Variants in TMCC1 observed in about 807,000 individuals in gnomAD.
The protein encoded by TMCC1 is transmembrane and coiled-coil domains protein 1.
In TMCC1, 15 loss-of-function variants were observed where a neutral mutation model predicts 52.4. The ratio of observed to expected loss-of-function variants is 0.29; its 90% CI spans 0.19 to 0.44. TMCC1 has a LOEUF of 0.44. Among genes scored for constraint, TMCC1 ranks in the 20% least tolerant of loss-of-function variants. The pLI is 1.00. For missense variants in TMCC1, 503 were observed against 806.0 expected, an observed-to-expected ratio of 0.62 and a Z score of 4.55; for synonymous variants, 279 against 301.9, an observed-to-expected ratio of 0.92 and a Z score of 0.79.
chr3:129,759,457 G>A (rs1460230300), intron 4 of TMCC1, among the ~76,000 whole-genome samples: 2 of 151,586 alleles, frequency 1.3e-5, no homozygotes, highest in African/African-American at 2.4e-5. Context: ...TAGTAGAGAT[G>A]GGGTTTCACC....
intron 4 of TMCC1, among the ~76,000 whole-genome samples, chr3:129,781,507 C>T (rs2055527340): frequency 6.6e-6 from 1 of 152,142 alleles, no homozygotes. Context: ...ATATAGCCTA[C>T]ATTTAGACAC....
intron 4 of TMCC1, among the ~76,000 whole-genome samples, chr3:129,783,408 C>T (rs773779949): frequency 6.6e-6 from 1 of 152,244 alleles, no homozygotes; most frequent in Non-Finnish European, 1.5e-5. Flanking sequence ...AGAAAACTTT[C>T]CAATAGTCAG....
intron 4 of TMCC1, among the ~76,000 whole-genome samples, chr3:129,808,568 T>A (rs1420627706): frequency 2.0e-5 from 3 of 151,238 alleles, no homozygotes; most frequent in Non-Finnish European, 4.4e-5. Context: ...GAGAACCCAA[T>A]GACAGTTATA....
At chr3:129,707,283 G>C (rs1023861008) in intron 4 of TMCC1, among the ~76,000 whole-genome samples, 1 of 151,986 alleles carries the variant, frequency 6.6e-6, no homozygotes. Context: ...TCAAATACAT[G>C]CTTATATTAA....
intron 2 of TMCC1, among the ~76,000 whole-genome samples, chr3:129,845,686 G>C (rs377234764): frequency 1.0e-3 from 158 of 152,274 alleles, no homozygotes; most frequent in African/African-American, 3.4e-3. Flanking sequence ...AGAAGTACCT[G>C]AGAAAAGGGT....
intron 4 of TMCC1, among the ~76,000 whole-genome samples, chr3:129,788,027 T>C (rs551509937): frequency 3.9e-5 from 6 of 152,304 alleles, no homozygotes; most frequent in Non-Finnish European, 4.4e-5. Flanking sequence ...TATCCACCTA[T>C]GTCTCCAACT....
At chr3:129,819,238 A>C (rs2058289695) in intron 4 of TMCC1, among the ~76,000 whole-genome samples, 1 of 152,086 alleles carries the variant, frequency 6.6e-6, no homozygotes, top group Non-Finnish European at 1.5e-5. Flanking sequence ...GTGCACCACC[A>C]TGCCAGGCTA....
intron 2 of TMCC1, among the ~76,000 whole-genome samples, chr3:129,838,214 G>A (rs537011026): frequency 2.0e-4 from 30 of 151,990 alleles, no homozygotes; most frequent in African/African-American, 7.0e-4. Context: ...AGACCAGCCT[G>A]GGCAGCATAG....
intron 2 of TMCC1, among the ~76,000 whole-genome samples, chr3:129,838,335 G>C (rs1476763276): frequency 6.6e-6 from 1 of 152,118 alleles, no homozygotes; most frequent in Non-Finnish European, 1.5e-5. Context: ...CTTGGGCCCT[G>C]GAGGTCGAGG....
At chr3:129,870,095 T>C (rs2060839902) in intron 2 of TMCC1, among the ~76,000 whole-genome samples, 1 of 152,176 alleles carries the variant, frequency 6.6e-6, no homozygotes, top group East Asian at 1.9e-4. Flanking sequence ...AAATATGTTC[T>C]TGAAAGACTA....
At position 129,847,988 on chromosome 3, in the gene TMCC1, GT is replaced by G. The variant is rs897806161; in HGVS notation, c.-183-15163del. The G allele has an allele frequency of 3.0e-4, 45 of 152,200 alleles. 1 individual carries two copies. Among genetic ancestry groups the G allele is most frequent in the African/African-American group, 1.0e-3 (43 of 41,526 alleles). 9.4% of individuals were successfully genotyped at this position (152,200 alleles called of 1,614,324 possible). On this transcript the variant is annotated intron_variant, in intron 2 of 6. Coordinates refer to ENST00000393238, the MANE Select transcript of TMCC1 (RefSeq NM_001017395.5). ...TTCTTTGATGAACTTTATTCAAATT[GT>G]TTCCCCCTTTTCTTATGGGGTTGTC...
chr3:129,727,769 C>T (rs2050220156), intron 4 of TMCC1, among the ~76,000 whole-genome samples: 1 of 152,176 alleles, frequency 6.6e-6, no homozygotes. Flanking sequence ...ACTGATGCCC[C>T]ACGTAGTCTT....
At chr3:129,808,919 TG>T (rs142998533) in intron 4 of TMCC1, among the ~76,000 whole-genome samples, 77,383 of 128,386 alleles carry the variant, frequency 0.6, 23,853 homozygotes, top group East Asian at 0.94. Context: ...TTAGATATGC[TG>T]GAAAAAAAAA....
At chr3:129,878,167 T>C (rs1399509399) in intron 2 of TMCC1, among the ~76,000 whole-genome samples, 1 of 148,776 alleles carries the variant, frequency 6.7e-6, no homozygotes, top group Non-Finnish European at 1.5e-5. Flanking sequence ...TTTCACGACA[T>C]TCGCCAGGCT....
chr3:129,886,808 G>T (rs536680728), intron 1 of TMCC1, among the ~76,000 whole-genome samples: 28 of 151,978 alleles, frequency 1.8e-4, no homozygotes, highest in African/African-American at 5.1e-4. Context: ...TGTGGTGTGT[G>T]CACCTGTAAT....
chr3:129,829,447 A>G (rs753475183), intron 3 of TMCC1, among the ~76,000 whole-genome samples: 81 of 116,504 alleles, frequency 7.0e-4, no homozygotes, highest in Non-Finnish European at 1.3e-3. Flanking sequence ...TACTAAAATC[A>G]CATGCAAAAA....
intron 4 of TMCC1, among the ~76,000 whole-genome samples, chr3:129,697,237 A>G (rs893583465): frequency 5.3e-5 from 8 of 152,194 alleles, no homozygotes; most frequent in Admixed American, 2.6e-4. Flanking sequence ...GGAGGTTCCC[A>G]AACCTCAATT....
chr3:129,709,019 C>T (rs879796570), intron 4 of TMCC1, among the ~76,000 whole-genome samples: 2 of 152,136 alleles, frequency 1.3e-5, no homozygotes, highest in Admixed American at 1.3e-4. Flanking sequence ...CTGGTCTTTA[C>T]TGGTAATAAC....
chr3:129,827,988 G>A lies in TMCC1; in HGVS notation c.391C>T (p.Pro131Ser). Reference sequence around the variant, plus strand: ...CTGTTGATTTGGGGACTTCCCTTTGGGGCCTCTGGCTTGCCCCGCCTACTA... The same window carrying A: ...CTGTTGATTTGGGGACTTCCCTTTGAGGCCTCTGGCTTGCCCCGCCTACTA... Reference protein sequence around the residue: ...LHSRRGKPEAPKGSPQINRKS... With the variant: ...LHSRRGKPEASKGSPQINRKS... The change falls in exon 4 of 7, where the codon CCA becomes TCA. Residue 131 changes from proline (P) to serine (S), a missense_variant. By Grantham distance (74) the Pro-to-Ser change is moderately conservative (BLOSUM62 -1). This residue lies in a region of TMCC1 where 217 missense variants were observed against 297.9 expected (regional missense o/e 0.73). Coordinates refer to ENST00000393238, the MANE Select transcript of TMCC1 (RefSeq NM_001017395.5). The A allele has an allele frequency of 6.2e-7, 1 of 1,614,052 alleles. No individual in the cohort carries two copies. The highest frequency in any genetic ancestry group is 8.5e-7 in the Non-Finnish European group (1 of 1,179,998).
Sources: allele counts gnomAD v4.1 joint callset (sites outside exome capture counted in the v4.1 genomes callset), GRCh38; gene constraint gnomAD v4.1.1; regional missense constraint gnomAD v4.1.1; transcripts MANE v1.5; gene names NCBI Gene and HGNC (gene_info 2026-07-23, HGNC 2026-07-21).